Variants in GLT8D2 observed in about 807,000 individuals in gnomAD.
GLT8D2 encodes glycosyltransferase 8 domain-containing protein 2.
Under a neutral mutation model 44.5 loss-of-function variants are expected in GLT8D2, and 45 were observed. The observed-to-expected ratio is 1.01, with a 90% CI of 0.80 to 1.30. GLT8D2 has a LOEUF of 1.30. GLT8D2 is among the 50% of genes most tolerant of loss of function. The pLI is 0.00. For missense variants in GLT8D2, 400 were observed against 430.4 expected, an observed-to-expected ratio of 0.93 and a Z score of 0.62; for synonymous variants, 156 against 157.2, an observed-to-expected ratio of 0.99 and a Z score of 0.06.
chr12:104,009,690 T>A (rs1207548498), intron 4 of GLT8D2, among the ~76,000 whole-genome samples: 1 of 152,188 alleles, frequency 6.6e-6, no homozygotes, highest in African/African-American at 2.4e-5. Flanking sequence ...CATCTTGAAT[T>A]GTACTCCCAT....
At chr12:104,002,612 C>T (rs1318607048) in intron 5 of GLT8D2, among the ~76,000 whole-genome samples, 1 of 151,846 alleles carries the variant, frequency 6.6e-6, no homozygotes, top group African/African-American at 2.4e-5. Flanking sequence ...TTTATTTTTT[C>T]TTAATCCAAA....
At chr12:104,056,236 C>T (rs1882175246) in intron 1 of GLT8D2, among the ~76,000 whole-genome samples, 1 of 152,226 alleles carries the variant, frequency 6.6e-6, no homozygotes, top group African/African-American at 2.4e-5. Flanking sequence ...ACCTCTCAGA[C>T]ACCATCTGTT....
chr12:104,050,901 G>A (rs1204770170), upstream of GLT8D2, among the ~76,000 whole-genome samples: 3 of 147,870 alleles, frequency 2.0e-5, no homozygotes, highest in Non-Finnish European at 1.5e-5. Flanking sequence ...TGCAACCTCC[G>A]CCTCCCCGGT....
At chr12:104,056,993 T>A (rs1252151941) in intron 1 of GLT8D2, among the ~76,000 whole-genome samples, 1 of 152,174 alleles carries the variant, frequency 6.6e-6, no homozygotes, top group Non-Finnish European at 1.5e-5. Context: ...ATTGTGGCAG[T>A]GAAGTTCAAA....
At chr12:103,998,283 G>A (rs1226440718) in intron 6 of GLT8D2, among the ~76,000 whole-genome samples, 1 of 150,270 alleles carries the variant, frequency 6.7e-6, no homozygotes, top group Non-Finnish European at 1.5e-5. Flanking sequence ...TGCCCAGGCT[G>A]GAGTGCAGTG....
intron 1 of GLT8D2, among the ~76,000 whole-genome samples, chr12:104,021,951 GAAGA>G (rs1877839643): frequency 5.7e-5 from 1 of 17,576 alleles, no homozygotes; most frequent in Non-Finnish European, 1.1e-4. Context: ...AGAAGAAGAA[GAAGA>G]GGAAGAAGAG....
intron 1 of GLT8D2, among the ~76,000 whole-genome samples, chr12:104,055,287 T>C (rs1882086850): frequency 6.6e-6 from 1 of 152,240 alleles, no homozygotes; most frequent in Non-Finnish European, 1.5e-5. Flanking sequence ...TCAAGTGCTA[T>C]AATCCATTCA....
intron 4 of GLT8D2, among the ~76,000 whole-genome samples, chr12:104,013,978 A>G (rs1372249304): frequency 2.0e-5 from 3 of 152,184 alleles, no homozygotes; most frequent in Non-Finnish European, 2.9e-5. Flanking sequence ...ACCTGGACTC[A>G]AGTGATCCTC....
At chr12:104,016,716 A>G (rs1407142367) in intron 3 of GLT8D2, among the ~76,000 whole-genome samples, 233 of 37,918 alleles carry the variant, frequency 6.1e-3, no homozygotes, top group Non-Finnish European at 6.5e-3. Context: ...AGAGAGAAAG[A>G]AAGAAAGAAA....
intron 1 of GLT8D2, among the ~76,000 whole-genome samples, chr12:104,027,165 C>T (rs1362748375): frequency 6.6e-6 from 1 of 152,218 alleles, no homozygotes; most frequent in Non-Finnish European, 1.5e-5. Context: ...GCTTTGAGTG[C>T]ATGGCAATGA....
chr12:104,002,807 T>G (rs1255982554), intron 5 of GLT8D2, among the ~76,000 whole-genome samples: 1 of 151,958 alleles, frequency 6.6e-6, no homozygotes. Flanking sequence ...GAGCTGGGTG[T>G]GGTAGCATGC....
intron 3 of GLT8D2, among the ~76,000 whole-genome samples, chr12:104,016,826 A>AAAGG (rs1304515840): frequency 5.5e-5 from 4 of 72,500 alleles, no homozygotes; most frequent in Non-Finnish European, 1.1e-4. Flanking sequence ...AAAGAGAAAG[A>AAAGG]AAAGAAAGAA....
chr12:104,016,782 G>A lies in GLT8D2; in HGVS notation c.20-1677C>T, dbSNP rs190317050. ...AAGAAAGAAAGAAAGAAAGAAGGAAGGAAGGAAGGAAGGAAGGAAGGAAGG... is the reference window on the plus strand; with the variant it reads ...AAGAAAGAAAGAAAGAAAGAAGGAAAGAAGGAAGGAAGGAAGGAAGGAAGG... On this transcript the variant is annotated intron_variant, in intron 3 of 10. Transcript: ENST00000360814. Among the ~76,000 whole-genome samples the A allele has an allele frequency of 5.9e-3, 548 of 93,040 alleles. 2 individuals are homozygous for A. Among genetic ancestry groups the A allele is most frequent in the African/African-American group, 8.0e-3 (174 of 21,780 alleles). The allele number at this position is 93,040 out of a possible 152,430, so 61.0% of individuals were successfully genotyped here. A position where few individuals can be genotyped will look rare whatever the true frequency, so the allele number is the denominator to read the frequency against.
At chr12:104,057,198 T>G (rs2136545334) in intron 1 of GLT8D2, among the ~76,000 whole-genome samples, 3 of 152,274 alleles carry the variant, frequency 2.0e-5, no homozygotes, top group Middle Eastern at 6.8e-3. Flanking sequence ...ATTAAAGGAA[T>G]GCTGAAAGAT....
chr12:104,016,778 G>GAAA (rs1566199678), intron 3 of GLT8D2, among the ~76,000 whole-genome samples: 387 of 62,556 alleles, frequency 6.2e-3, no homozygotes, highest in African/African-American at 7.6e-3. Context: ...AAAGAAAGAA[G>GAAA]GAAGGAAGGA....
At chr12:104,002,820 T>C (rs114375970) in intron 5 of GLT8D2, among the ~76,000 whole-genome samples, 6,148 of 152,072 alleles carry the variant, frequency 0.04, 218 homozygotes, top group South Asian at 0.1. Flanking sequence ...TAGCATGCAC[T>C]TGTAGTCTCA....
intron 1 of GLT8D2, among the ~76,000 whole-genome samples, chr12:104,045,138 GA>G (rs1470149178): frequency 6.6e-6 from 1 of 152,198 alleles, no homozygotes; most frequent in African/African-American, 2.4e-5. Flanking sequence ...GAGAGAGAAA[GA>G]AAAGGCGAGA....
chr12:104,019,689 G>T lies in GLT8D2; in HGVS notation c.-28-13C>A. The T allele has an allele frequency of 6.3e-7, 1 of 1,578,014 alleles. No individual in the cohort carries two copies. On this transcript the variant is annotated splice_polypyrimidine_tract_variant and intron_variant, in intron 2 of 10. Transcript: ENST00000360814. ...TAAGAACTGTAACCTGTGGATTAAA[G>T]GAAAAAAAATCTGTTTAAAGGAGAA...
intron 6 of GLT8D2, among the ~76,000 whole-genome samples, chr12:103,998,156 AG>A (rs1873713650): frequency 6.6e-6 from 1 of 152,186 alleles, no homozygotes; most frequent in Non-Finnish European, 1.5e-5. Flanking sequence ...GTAAATTTTC[AG>A]GGATGAATTT....
Sources: gnomAD v4.1 joint callset for allele counts (sites outside exome capture counted in the v4.1 genomes callset) on GRCh38, gnomAD v4.1.1 for gene constraint, MANE v1.5 for transcripts, NCBI Gene and HGNC (gene_info 2026-07-23, HGNC 2026-07-21) for gene names.